Variants in PDPN observed in about 807,000 individuals in gnomAD.
PDPN encodes PA2.26 antigen.
Under a neutral mutation model 23.2 loss-of-function variants are expected in PDPN, and 12 were observed. The ratio of observed to expected loss-of-function variants is 0.52; its 90% CI spans 0.33 to 0.84. PDPN has a LOEUF of 0.84. PDPN is among the 40% of genes least tolerant of loss of function. The pLI is 0.02. For synonymous variants in PDPN, 77 were observed against 76.7 expected, an observed-to-expected ratio of 1.00 and a Z score of -0.02; for missense variants, 199 against 212.2, an observed-to-expected ratio of 0.94 and a Z score of 0.39.
At chr1:13,598,721 G>A (rs901525571) in intron 1 of PDPN, among the ~76,000 whole-genome samples, 4 of 152,112 alleles carry the variant, frequency 2.6e-5, no homozygotes, top group Middle Eastern at 3.4e-3. Flanking sequence ...CCTCCCTCCC[G>A]TGCAGCGCCC....
At chr1:13,588,743 ATC>A (rs1241896948) in intron 1 of PDPN, among the ~76,000 whole-genome samples, 2 of 150,730 alleles carry the variant, frequency 1.3e-5, no homozygotes, top group African/African-American at 4.9e-5. Flanking sequence ...CAGTAGCACT[ATC>A]TCGTCTCACT....
Position 13,617,617 on chromosome 1 carries a change from C to G in PDPN, c.*1706C>G, listed in dbSNP as rs1010039335. 1 of 152,196 alleles carries G rather than the reference C, an allele frequency of 6.6e-6. No individual in the cohort carries two copies. The highest frequency in any genetic ancestry group is 2.4e-5 in the African/African-American group (1 of 41,408). 9.4% of individuals were successfully genotyped at this position (152,196 alleles called of 1,614,324 possible). On this transcript the variant is annotated 3_prime_UTR_variant, in exon 6 of 6. Coordinates refer to ENST00000621990, the MANE Select transcript of PDPN (RefSeq NM_006474.5). Reference sequence around the variant, plus strand: ...CTATCTCTTGACCTCGTGATCTGCCCGCCTCGGCCTCCCAAAGTGCTGGGA... The same window carrying G: ...CTATCTCTTGACCTCGTGATCTGCCGGCCTCGGCCTCCCAAAGTGCTGGGA...
chr1:13,599,321 C>A (rs1233377251), intron 1 of PDPN, among the ~76,000 whole-genome samples: 1 of 151,182 alleles, frequency 6.6e-6, no homozygotes, highest in African/African-American at 2.4e-5. Flanking sequence ...CAGAAAGTTC[C>A]CTGAGATCTG....
At chr1:13,611,361 G>A (rs1640931443) in intron 3 of PDPN, among the ~76,000 whole-genome samples, 1 of 148,710 alleles carries the variant, frequency 6.7e-6, no homozygotes, top group African/African-American at 2.5e-5. Flanking sequence ...GGATAGATAA[G>A]CAAAATGTAG....
intron 1 of PDPN, among the ~76,000 whole-genome samples, chr1:13,584,958 A>T (rs1284375988): frequency 6.6e-6 from 1 of 152,132 alleles, no homozygotes; most frequent in Non-Finnish European, 1.5e-5. Context: ...ACATCTGTCA[A>T]CATTTTGTTT....
chr1:13,588,518 A>G (rs977008175), intron 1 of PDPN, among the ~76,000 whole-genome samples: 1 of 149,314 alleles, frequency 6.7e-6, no homozygotes, highest in Non-Finnish European at 1.5e-5. Context: ...GAATTTGTTG[A>G]TGTTTAAACC....
chr1:13,598,216 C>A (rs892632565), intron 1 of PDPN, among the ~76,000 whole-genome samples: 2 of 151,886 alleles, frequency 1.3e-5, no homozygotes, highest in African/African-American at 4.8e-5. Context: ...AGGATTTTGC[C>A]ATGTTGGCCA....
chr1:13,585,037 C>T (rs1271415041), intron 1 of PDPN, among the ~76,000 whole-genome samples: 1 of 152,196 alleles, frequency 6.6e-6, no homozygotes, highest in Non-Finnish European at 1.5e-5. Flanking sequence ...CAGCTACATC[C>T]AGCCATGATT....
chr1:13,598,725 AGCGCCCCAT>A (rs1640560781), intron 1 of PDPN, among the ~76,000 whole-genome samples: 1 of 152,086 alleles, frequency 6.6e-6, no homozygotes, highest in Non-Finnish European at 1.5e-5. Flanking sequence ...CCTCCCGTGC[AGCGCCCCAT>A]GCTCGTTCTG....
At chr1:13,614,236 C>A in intron 4 of PDPN, 64 bp from the exon 5 acceptor site, 1 of 821,214 alleles carries the variant, frequency 1.2e-6, no homozygotes, top group Non-Finnish European at 2.1e-6. Context: ...TTATATGTTA[C>A]ATATTTTATC....
intron 1 of PDPN, among the ~76,000 whole-genome samples, chr1:13,605,892 GT>G (rs1263701143): frequency 5.9e-5 from 9 of 151,952 alleles, no homozygotes; most frequent in African/African-American, 2.2e-4. Flanking sequence ...AAGTGCTGGG[GT>G]TACAGGCGTG....
rs12732247 is a variant in PDPN, at chr1:13,600,567, G to A, written c.68-6606G>A. On this transcript the variant is annotated intron_variant, in intron 1 of 5. Coordinates refer to ENST00000621990, the MANE Select transcript of PDPN (RefSeq NM_006474.5). ...TTTAGTAGAGAAGGTGTTTCACCACGTTGGCCAGGCTGGTCTTGAACTCCC... is the reference window on the plus strand; with the variant it reads ...TTTAGTAGAGAAGGTGTTTCACCACATTGGCCAGGCTGGTCTTGAACTCCC... 2.4e-3 allele frequency among the ~76,000 whole-genome samples: 371 copies of A among 152,186 alleles called. 4 individuals are homozygous for A. The highest frequency in any genetic ancestry group is 8.5e-3 in the African/African-American group (353 of 41,498).
At chr1:13,600,849 T>G (rs1055866263) in intron 1 of PDPN, among the ~76,000 whole-genome samples, 1 of 151,750 alleles carries the variant, frequency 6.6e-6, no homozygotes, top group African/African-American at 2.4e-5. Context: ...AGGGGATCAG[T>G]GGGTGGAAAA....
chr1:13,610,812 G>A (rs1640914053), intron 3 of PDPN, among the ~76,000 whole-genome samples: 1 of 151,912 alleles, frequency 6.6e-6, no homozygotes, highest in Non-Finnish European at 1.5e-5. Flanking sequence ...GTGACGTGAA[G>A]AACTTTGTGT....
At chr1:13,606,941 T>C (rs1439596961) in intron 1 of PDPN, among the ~76,000 whole-genome samples, 3 of 152,236 alleles carry the variant, frequency 2.0e-5, no homozygotes, top group African/African-American at 7.2e-5. Flanking sequence ...TACCTTTTAA[T>C]GTTTTCATTT....
At chr1:13,592,254 C>T (rs1640366680) in intron 1 of PDPN, among the ~76,000 whole-genome samples, 1 of 152,166 alleles carries the variant, frequency 6.6e-6, no homozygotes, top group Non-Finnish European at 1.5e-5. Context: ...TTCTCCCATC[C>T]TTTGGACTGG....
At chr1:13,611,208 G>A (rs954769158) in intron 3 of PDPN, among the ~76,000 whole-genome samples, 2 of 146,238 alleles carry the variant, frequency 1.4e-5, no homozygotes, top group African/African-American at 2.5e-5. Flanking sequence ...GCGACAGTGC[G>A]AGAATCCGTC....
chr1:13,612,216 A>G (rs1255437464), intron 3 of PDPN, among the ~76,000 whole-genome samples: 2 of 152,210 alleles, frequency 1.3e-5, no homozygotes, highest in Non-Finnish European at 2.9e-5. Context: ...ATAAGCACTC[A>G]GTTTTGAAGG....
At chr1:13,612,933 A>G (rs1772641) in intron 3 of PDPN, among the ~76,000 whole-genome samples, 103,509 of 151,782 alleles carry the variant, frequency 0.68, 35,536 homozygotes, top group Admixed American at 0.76. Context: ...AAACTAGTCA[A>G]TAGCCACCAC....
Sources: gnomAD v4.1 joint callset for allele counts (sites outside exome capture counted in the v4.1 genomes callset) on GRCh38, gnomAD v4.1.1 for gene constraint, MANE v1.5 for transcripts, NCBI Gene and HGNC (gene_info 2026-07-23, HGNC 2026-07-21) for gene names.